The following UST variants were observed in gnomAD, a reference collection of about 807,000 sequenced individuals.
The protein encoded by UST is uronyl 2-sulfotransferase.
UST carries 21 observed loss-of-function variants against 45.6 expected under a neutral mutation model. The ratio of observed to expected loss-of-function variants is 0.46; its 90% confidence interval spans 0.33 to 0.66. The LOEUF (loss-of-function observed/expected upper bound fraction) is 0.66. Among genes scored for constraint, UST ranks in the 30% least tolerant of loss-of-function variants. UST has a pLI of 0.02. For synonymous variants in UST, 215 were observed against 200.6 expected (o/e 1.07, Z -0.61); for missense variants, 463 against 512.4 (o/e 0.90, Z 0.93).
chr6:149,006,524 C>T (rs922591372), intron 5 of UST, among the ~76,000 whole-genome samples: 1 of 152,152 alleles, frequency 6.6e-6, no homozygotes, highest in Non-Finnish European at 1.5e-5. Context: ...GATTCTGTGT[C>T]CTTGCTATTA....
At chr6:148,804,829 AAT>A (rs1416174294) in intron 1 of UST, among the ~76,000 whole-genome samples, 1 of 144,230 alleles carries the variant, frequency 6.9e-6, no homozygotes. Flanking sequence ...TATATATATA[AAT>A]ATATATATAC....
chr6:148,826,252 A>G (rs950415047), intron 1 of UST, among the ~76,000 whole-genome samples: 9 of 152,156 alleles, frequency 5.9e-5, no homozygotes, highest in African/African-American at 1.9e-4. Context: ...AGCTGGTACT[A>G]CAGGCATGTG....
At chr6:148,779,810 C>A (rs903179739) in intron 1 of UST, among the ~76,000 whole-genome samples, 2 of 152,124 alleles carry the variant, frequency 1.3e-5, no homozygotes, top group Admixed American at 6.5e-5. Flanking sequence ...TCCCCTAAGT[C>A]CTGCAGGAAA....
At chr6:149,049,935 A>T (rs867237606) in intron 7 of UST, among the ~76,000 whole-genome samples, 29 of 131,254 alleles carry the variant, frequency 2.2e-4, no homozygotes, top group East Asian at 8.0e-4. Flanking sequence ...TCTCTCTCAC[A>T]CACACACACA....
At position 149,014,978 on chromosome 6, in the gene UST, G is replaced by A. The variant is rs530150150; in HGVS notation, c.682-4161G>A. On this transcript the variant is annotated intron_variant, in intron 5 of 7. Transcript: ENST00000367463. ...CTGCACACAGGGAGGAGAGGTGGAA[G>A]GAAGAGCTGCTGGCTGAGAAGCTGC... 7.2e-5 allele frequency among the ~76,000 whole-genome samples: 11 copies of A among 152,272 alleles called. No homozygotes were observed. The East Asian group carries it at 1.5e-3, about 21-fold the overall frequency.
chr6:148,921,120 G>T (rs1192031591), intron 2 of UST, among the ~76,000 whole-genome samples: 6 of 152,330 alleles, frequency 3.9e-5, no homozygotes, highest in Middle Eastern at 3.4e-3. Context: ...TAACAAGGAA[G>T]GTTTAAATAA....
intron 1 of UST, among the ~76,000 whole-genome samples, chr6:148,878,007 T>G: frequency 4.4e-5 from 3 of 68,574 alleles, no homozygotes; most frequent in African/African-American, 1.3e-4. Flanking sequence ...CATGTACGAG[T>G]GTAGGGGTCA....
intron 1 of UST, among the ~76,000 whole-genome samples, chr6:148,882,945 G>A (rs1778850469): frequency 6.6e-6 from 1 of 152,192 alleles, no homozygotes; most frequent in Non-Finnish European, 1.5e-5. Flanking sequence ...ATGTAGATGC[G>A]AGAATGCCTA....
Position 148,796,623 on chromosome 6 carries a change from C to CAAAAAAAA in UST, c.247+48963_247+48970dup, listed in dbSNP as rs11465084. On this transcript the variant is annotated intron_variant, in intron 1 of 7. Transcript: ENST00000367463. Reference sequence around the variant, plus strand: ...TGGACGACAGGGCAAGACTCTGTCTCAAAAAAAAAAAAAAAAAAAAAAAAG... The same window carrying CAAAAAAAA: ...TGGACGACAGGGCAAGACTCTGTCTCAAAAAAAAAAAAAAAAAAAAAAAAAAAAAAAAG... Among the ~76,000 whole-genome samples the CAAAAAAAA allele has an allele frequency of 4.5e-5, 4 of 88,956 alleles. 1 individual carries two copies. Among genetic ancestry groups the CAAAAAAAA allele is most frequent in the Non-Finnish European group, 6.4e-5 (3 of 46,948 alleles). 58.4% of individuals were successfully genotyped at this position (88,956 alleles called of 152,430 possible). A position where few individuals can be genotyped will look rare whatever the true frequency, so the allele number is the denominator to read the frequency against.
rs1390061697 is a variant in UST at position 148,892,322 on chromosome 6, T to C, written c.291+5293T>C. Among the ~76,000 whole-genome samples the C allele has an allele frequency of 2.6e-5, 4 of 152,194 alleles. No homozygotes were observed. In the South Asian group the frequency reaches 8.3e-4, roughly 32 times the overall value. On this transcript the variant is annotated intron_variant, in intron 2 of 7. Transcript: ENST00000367463. The stretch of plus-strand genomic sequence containing the variant: ...CTGTCAGTTATCTTCTTTTTGTCAT[T>C]ATAGGCAAGAATGAAAAATTTGAAA...
At chr6:149,027,869 G>A (rs921140719) in intron 7 of UST, 8 of 143,422 alleles carry the variant, frequency 5.6e-5, no homozygotes, top group African/African-American at 1.8e-4. Flanking sequence ...TTGAGACAGA[G>A]TTTCACTTTT....
intron 7 of UST, among the ~76,000 whole-genome samples, chr6:149,037,816 A>T (rs572898399): frequency 3.3e-5 from 5 of 152,356 alleles, no homozygotes; most frequent in Admixed American, 3.3e-4. Context: ...TCTGAAATGG[A>T]TTAGGTAGGG....
chr6:148,886,964 A>G (rs374830492), intron 1 of UST, 22 bp from the exon 2 acceptor site: 16 of 1,606,594 alleles, frequency 1.0e-5, no homozygotes, highest in Non-Finnish European at 1.2e-5. Context: ...CGGATTCATC[A>G]ACTTTTTCCT....
chr6:148,907,126 G>GA (rs777918548), intron 2 of UST, among the ~76,000 whole-genome samples: 13 of 151,974 alleles, frequency 8.6e-5, no homozygotes, highest in East Asian at 1.9e-4. Context: ...TAATGTGAGA[G>GA]AAAAAAAATC....
chr6:148,766,301 C>T (rs1027530991), intron 1 of UST, among the ~76,000 whole-genome samples: 1 of 151,660 alleles, frequency 6.6e-6, no homozygotes, highest in African/African-American at 2.4e-5. Flanking sequence ...CATCAATGAG[C>T]CTTAAAGGAT....
intron 7 of UST, among the ~76,000 whole-genome samples, chr6:149,070,146 C>A (rs1019555809): frequency 6.6e-6 from 1 of 152,160 alleles, no homozygotes; most frequent in African/African-American, 2.4e-5. Flanking sequence ...CAAAACCCTA[C>A]ACAATGTATA....
At chr6:149,022,841 C>T (rs1299454258) in intron 7 of UST, among the ~76,000 whole-genome samples, 9 of 152,084 alleles carry the variant, frequency 5.9e-5, no homozygotes, top group Non-Finnish European at 1.2e-4. Context: ...CCTTAGCCTC[C>T]CAGCTCTCAT....
chr6:148,832,703 T>G (rs965864049), intron 1 of UST, among the ~76,000 whole-genome samples: 2 of 152,364 alleles, frequency 1.3e-5, no homozygotes, highest in African/African-American at 4.8e-5. Flanking sequence ...GCAAATCCAG[T>G]GGCATGAGCC....
intron 1 of UST, among the ~76,000 whole-genome samples, chr6:148,786,998 GC>G (rs1252806645): frequency 6.6e-6 from 1 of 152,002 alleles, no homozygotes; most frequent in Non-Finnish European, 1.5e-5. Context: ...TTTTTTGGCT[GC>G]ATGTATGTCT....
Sources: allele counts gnomAD v4.1 joint callset (sites outside exome capture counted in the v4.1 genomes callset), GRCh38; gene constraint gnomAD v4.1.1; transcripts MANE v1.5; gene names NCBI Gene and HGNC (gene_info 2026-07-23, HGNC 2026-07-21).